Variants in PLXNA4 observed in about 807,000 individuals in gnomAD.
The protein encoded by PLXNA4 is plexin-A4.
PLXNA4 carries 44 observed loss-of-function variants against 191.8 expected under a neutral mutation model. The ratio of observed to expected loss-of-function variants is 0.23; its 90% CI spans 0.18 to 0.29. The LOEUF (loss-of-function observed/expected upper bound fraction) is 0.29, where lower values mean the gene tolerates loss of function less well. PLXNA4 is among the 10% of genes least tolerant of loss of function. The probability of loss-of-function intolerance (pLI) is 1.00; values close to 1 mark genes in which losing one functional copy is unlikely to be tolerated. For synonymous variants in PLXNA4, 1,082 were observed against 1,009.5 expected (o/e 1.07, Z -1.36); for missense variants, 1,800 against 2,488.8 (o/e 0.72, Z 5.89).
At chr7:132,146,464 C>T (rs1328467395) in intron 28 of PLXNA4, 46 bp downstream of exon 28, 30 of 1,613,974 alleles carry the variant, frequency 1.9e-5, no homozygotes, top group Non-Finnish European at 2.5e-5. Context: ...TGAAGTCCCT[C>T]TCCATAGCCT....
At chr7:132,454,108 GC>G (rs1251328270) in intron 3 of PLXNA4, among the ~76,000 whole-genome samples, 13 of 152,224 alleles carry the variant, frequency 8.5e-5, no homozygotes, top group Admixed American at 6.5e-5. Flanking sequence ...AGGAATGGCA[GC>G]AGCAACAATG....
At position 132,508,133 on chromosome 7, in the gene PLXNA4, C is replaced by T. The variant is rs772947706; in HGVS notation, c.561G>A (p.Thr187=). ...AATACTCGGGCTTCCCATCCACTGC[C>T]GTGGCAATGAACAGCTTGTCATCCA... ...SNLDDKLFIA[T]AVDGKPEYFP... The change falls in exon 2 of 32, where the codon ACG becomes ACA. Residue 187 remains threonine (T), a synonymous_variant. Transcript: ENST00000321063. The surrounding 1 kb of genome is among the most constrained non-coding windows in gnomAD (Gnocchi z 4.4). 14 of 1,614,172 alleles carry T rather than the reference C, an allele frequency of 8.7e-6. No homozygotes were observed. Among genetic ancestry groups the T allele is most frequent in the South Asian group, 2.2e-5 (2 of 91,078 alleles).
intron 16 of PLXNA4, among the ~76,000 whole-genome samples, chr7:132,183,248 G>C (rs916583407): frequency 6.6e-6 from 1 of 152,188 alleles, no homozygotes; most frequent in African/African-American, 2.4e-5. Context: ...TAAGATTCCT[G>C]TGAAACTCGG....
At chr7:132,570,779 A>G (rs1277653779) in intron 1 of PLXNA4, among the ~76,000 whole-genome samples, 1 of 152,250 alleles carries the variant, frequency 6.6e-6, no homozygotes, top group African/African-American at 2.4e-5. Context: ...GTGACAAAAC[A>G]TCCCAAAATC....
chr7:132,640,339 G>A (rs1478958775), intron 2 of PLXNA4, among the ~76,000 whole-genome samples: 1 of 152,212 alleles, frequency 6.6e-6, no homozygotes, highest in Non-Finnish European at 1.5e-5. Context: ...AATGCATATA[G>A]CCATAGGTTA....
intron 4 of PLXNA4, among the ~76,000 whole-genome samples, chr7:132,272,689 G>A (rs754785462): frequency 6.6e-6 from 1 of 152,204 alleles, no homozygotes; most frequent in Admixed American, 6.5e-5. Context: ...CTTAACTTAT[G>A]TCCCAGCAAC....
intron 3 of PLXNA4, among the ~76,000 whole-genome samples, chr7:132,305,406 A>T (rs7784552): frequency 2.7e-4 from 38 of 140,162 alleles, no homozygotes; most frequent in African/African-American, 9.2e-4. Flanking sequence ...ACACACACAC[A>T]CTCTACTCTG....
chr7:132,204,664 C>T (rs1199209461), intron 10 of PLXNA4, among the ~76,000 whole-genome samples: 4 of 152,154 alleles, frequency 2.6e-5, no homozygotes, highest in African/African-American at 7.2e-5. Context: ...GCCATGGCAC[C>T]TTCATGGACA....
At chr7:132,153,624 G>A (rs1212536089) in intron 25 of PLXNA4, among the ~76,000 whole-genome samples, 2 of 152,126 alleles carry the variant, frequency 1.3e-5, no homozygotes, top group African/African-American at 2.4e-5. Context: ...GTGGGAAGCT[G>A]AGGCATAGAT....
chr7:132,591,993 G>A (rs1802611842), intron 2 of PLXNA4, among the ~76,000 whole-genome samples: 1 of 152,140 alleles, frequency 6.6e-6, no homozygotes, highest in African/African-American at 2.4e-5. Flanking sequence ...TGTCTTGGCT[G>A]GTGGGAACTT....
intron 5 of PLXNA4, among the ~76,000 whole-genome samples, chr7:132,236,647 G>A (rs1305248613): frequency 6.6e-6 from 1 of 152,120 alleles, no homozygotes; most frequent in Non-Finnish European, 1.5e-5. Context: ...ATATCACTGA[G>A]CCTGGCACAC....
rs570036878 is a variant in PLXNA4, at chr7:132,141,084, C to T, written c.5226-273G>A. Reference sequence around the variant, plus strand: ...TACTTGAGAGGACTTGATACCCAGCCTTGATGGCAGGGCTCATCATCTTCC... The same window carrying T: ...TACTTGAGAGGACTTGATACCCAGCTTTGATGGCAGGGCTCATCATCTTCC... On this transcript the variant is annotated intron_variant, in intron 29 of 31. Transcript: ENST00000321063. Among the ~76,000 whole-genome samples, 214 of 152,298 alleles carry T rather than the reference C, an allele frequency of 1.4e-3. 1 individual carries two copies. Among genetic ancestry groups the T allele is most frequent in the African/African-American group, 5.0e-3 (209 of 41,560 alleles).
chr7:132,395,140 A>G (rs1213715170), intron 3 of PLXNA4, among the ~76,000 whole-genome samples: 2 of 152,224 alleles, frequency 1.3e-5, no homozygotes, highest in Admixed American at 6.5e-5. Flanking sequence ...CACACCTGGA[A>G]ATAATGGGGG....
intron 12 of PLXNA4, among the ~76,000 whole-genome samples, chr7:132,201,344 C>G (rs1425285684): frequency 6.6e-6 from 1 of 152,124 alleles, no homozygotes; most frequent in East Asian, 1.9e-4. Context: ...CCTAATAGAA[C>G]AGGTAGTTGT....
intron 12 of PLXNA4, among the ~76,000 whole-genome samples, chr7:132,200,830 G>A (rs1053093331): frequency 1.3e-5 from 2 of 152,216 alleles, no homozygotes; most frequent in Admixed American, 6.5e-5. Context: ...TGGGATTCAG[G>A]ACCATGTTAC....
rs549465477 is a variant in PLXNA4, at chr7:132,323,669, A to G, written c.1372-25447T>C. 1.8e-3 allele frequency among the ~76,000 whole-genome samples: 271 copies of G among 152,330 alleles called. 1 individual carries two copies. Among genetic ancestry groups the G allele is most frequent in the Middle Eastern group, 6.8e-3 (2 of 294 alleles). ...GTGAATGTTCCACTTCCAGGCCACT[A>G]TAATGTCGACTGTCCTTAGACTATA... On this transcript the variant is annotated intron_variant, in intron 3 of 31. Coordinates refer to ENST00000321063, the MANE Select transcript of PLXNA4 (RefSeq NM_020911.2).
At chr7:132,435,947 G>T (rs1399569363) in intron 3 of PLXNA4, among the ~76,000 whole-genome samples, 5 of 152,212 alleles carry the variant, frequency 3.3e-5, no homozygotes, top group Non-Finnish European at 1.5e-5. Context: ...GGGATAGAAA[G>T]AACAATAGTA....
At chr7:132,433,533 C>G (rs965857404) in intron 3 of PLXNA4, among the ~76,000 whole-genome samples, 7 of 152,164 alleles carry the variant, frequency 4.6e-5, no homozygotes, top group African/African-American at 1.7e-4. Context: ...ATTCATTTCC[C>G]TTTGGAGACA....
chr7:132,560,922 G>A (rs1409913507), intron 1 of PLXNA4, among the ~76,000 whole-genome samples: 2 of 152,082 alleles, frequency 1.3e-5, no homozygotes, highest in Non-Finnish European at 2.9e-5. Context: ...CCCGGCTCAG[G>A]ATGCTTTGAT....
Sources: gnomAD v4.1 joint callset for allele counts (sites outside exome capture counted in the v4.1 genomes callset) on GRCh38, gnomAD v4.1.1 for gene constraint, Gnocchi (gnomAD v3.1) non-coding constraint, MANE v1.5 for transcripts, NCBI Gene and HGNC (gene_info 2026-07-23, HGNC 2026-07-21) for gene names.